Variants in ANKRD50 observed in about 807,000 individuals in gnomAD.
ANKRD50 encodes ankyrin repeat domain-containing protein 50.
ANKRD50 carries 40 observed loss-of-function variants against 112.0 expected under a neutral mutation model. That is an observed-to-expected ratio of 0.36 (90% CI 0.28 to 0.46). The LOEUF (loss-of-function observed/expected upper bound fraction) is 0.46, where lower values mean the gene tolerates loss of function less well. ANKRD50 is among the 20% of genes least tolerant of loss of function. The pLI, the probability that ANKRD50 is intolerant of heterozygous loss-of-function variation, is 1.00. For synonymous variants in ANKRD50, 613 were observed against 619.1 expected (o/e 0.99, Z 0.15); for missense variants, 1,487 against 1,701.7 (o/e 0.87, Z 2.22).
Position 124,710,581 on chromosome 4 carries a change from T to C in ANKRD50, c.-70A>G. ...ACAGGTCTTTCCATCCATTATGACA[T>C]AACTTGTATATTAAGTTGACTCTGA... On this transcript the variant is annotated 5_prime_UTR_variant, in exon 2 of 5. The change abolishes an upstream ATG in the 5' untranslated region. Transcript: ENST00000504087. The C allele has an allele frequency of 6.7e-7, 1 of 1,484,852 alleles. No individual in the cohort carries two copies. The highest frequency in any genetic ancestry group is 9.0e-7 in the Non-Finnish European group (1 of 1,107,760). The allele number at this position is 1,484,852 out of a possible 1,614,324, so 92.0% of individuals were successfully genotyped here.
rs975046881 is a variant in ANKRD50 at position 124,664,236 on chromosome 4, A to C, written c.*3282T>G. The C allele has an allele frequency of 6.8e-6, 1 of 147,124 alleles. No individual in the cohort carries two copies. The highest frequency in any genetic ancestry group is 1.5e-5 in the Non-Finnish European group (1 of 66,552). 9.1% of individuals were successfully genotyped at this position (147,124 alleles called of 1,614,324 possible). A position where few individuals can be genotyped will look rare whatever the true frequency, so the allele number is the denominator to read the frequency against. Reference sequence around the variant, plus strand: ...CCTGACATGGTGTGATATAGTATATAATCAGTCACGGGGGGGAAAAGAACA... The same window carrying C: ...CCTGACATGGTGTGATATAGTATATCATCAGTCACGGGGGGGAAAAGAACA... On this transcript the variant is annotated 3_prime_UTR_variant, in exon 5 of 5. Coordinates refer to ENST00000504087, the MANE Select transcript of ANKRD50 (RefSeq NM_020337.3).
At position 124,672,221 on chromosome 4, in the gene ANKRD50, A is replaced by G. The variant is rs1730677888; in HGVS notation, c.1056T>C (p.Pro352=). The change falls in exon 4 of 5, where the codon CCT becomes CCC. Residue 352 remains proline (P), a synonymous_variant. Transcript: ENST00000504087. ...FVRKQFAKVQ[P]ILNVILAACR... is the part of the protein sequence containing the mutation. The stretch of plus-strand genomic sequence containing the variant: ...AGGCTGCAAGAATCACATTCAAAAT[A>G]GGCTGAACCTTTGCAAATTGTTTTC... The G allele has an allele frequency of 1.9e-6, 3 of 1,613,746 alleles. No homozygotes were observed. The highest frequency in any genetic ancestry group is 2.7e-5 in the African/African-American group (2 of 74,902).
chr4:124,709,078 C>G (rs147602164), intron 2 of ANKRD50, among the ~76,000 whole-genome samples: 1 of 151,116 alleles, frequency 6.6e-6, no homozygotes, highest in Non-Finnish European at 1.5e-5. Flanking sequence ...CACACACACA[C>G]ACAAACCTCC....
chr4:124,692,640 A>G (rs1038307497), intron 2 of ANKRD50, among the ~76,000 whole-genome samples: 6 of 152,130 alleles, frequency 3.9e-5, no homozygotes, highest in East Asian at 1.9e-4. Flanking sequence ...TTAATGTTCT[A>G]TAAGAGACCC....
intron 2 of ANKRD50, among the ~76,000 whole-genome samples, chr4:124,688,855 C>T (rs1409910107): frequency 2.0e-5 from 3 of 152,174 alleles, no homozygotes; most frequent in Non-Finnish European, 4.4e-5. Context: ...ATCAGCCCTG[C>T]ACTTGGTTCT....
At chr4:124,701,265 G>T (rs911324941) in intron 2 of ANKRD50, among the ~76,000 whole-genome samples, 6 of 152,074 alleles carry the variant, frequency 3.9e-5, no homozygotes, top group African/African-American at 1.4e-4. Context: ...GCCCCACCAA[G>T]AAGTACACTT....
intron 2 of ANKRD50, among the ~76,000 whole-genome samples, chr4:124,686,527 C>G (rs1430715549): frequency 1.3e-5 from 2 of 152,086 alleles, no homozygotes; most frequent in African/African-American, 4.8e-5. Context: ...CATATGACCC[C>G]TATGGAAAAG....
intron 2 of ANKRD50, among the ~76,000 whole-genome samples, chr4:124,681,475 C>T (rs1724885049): frequency 6.6e-6 from 1 of 152,104 alleles, no homozygotes; most frequent in Admixed American, 6.5e-5. Flanking sequence ...GACCCAGCCC[C>T]GCCTCTTCCC....
In ANKRD50 at chr4:124,682,241, G is replaced by A. The variant is rs536828211; in HGVS notation, c.513-3336C>T. ...TGAGGCAGGAGAATGGCGTGAACCCGGGAAGCAGAGCTTGCAGTGAACCGA... is the reference window on the plus strand; with the variant it reads ...TGAGGCAGGAGAATGGCGTGAACCCAGGAAGCAGAGCTTGCAGTGAACCGA... On this transcript the variant is annotated intron_variant, in intron 2 of 4. Transcript: ENST00000504087. Among the ~76,000 whole-genome samples the A allele has an allele frequency of 8.0e-5, 12 of 150,608 alleles. No homozygotes were observed. The South Asian group carries it at 1.5e-3, about 18-fold the overall frequency.
chr4:124,689,698 G>C (rs1725087152), intron 2 of ANKRD50, among the ~76,000 whole-genome samples: 2 of 152,124 alleles, frequency 1.3e-5, no homozygotes, highest in African/African-American at 4.8e-5. Flanking sequence ...CTGATTCTCA[G>C]GCCTCTGGGC....
intron 3 of ANKRD50, among the ~76,000 whole-genome samples, chr4:124,674,068 CTT>C: frequency 6.6e-6 from 1 of 152,038 alleles, no homozygotes; most frequent in African/African-American, 2.4e-5. Context: ...GCCTCCAAAT[CTT>C]TTTCTGTGTG....
intron 2 of ANKRD50, among the ~76,000 whole-genome samples, chr4:124,686,280 G>C (rs990301522): frequency 3.9e-5 from 6 of 152,166 alleles, no homozygotes; most frequent in Non-Finnish European, 7.4e-5. Flanking sequence ...TTCAGACATA[G>C]AGTATTAGGA....
chr4:124,671,097 T>C lies in ANKRD50; in HGVS notation c.2180A>G (p.His727Arg). The C allele has an allele frequency of 6.2e-7, 1 of 1,613,836 alleles. No individual in the cohort carries two copies. Among genetic ancestry groups the C allele is most frequent in the Non-Finnish European group, 8.5e-7 (1 of 1,179,854 alleles). ...AATTAAAAGGCTAACAACTGATGCGTGCCCTTTACTTGCAGGCACACAAAG... is the reference window on the plus strand; with the variant it reads ...AATTAAAAGGCTAACAACTGATGCGCGCCCTTTACTTGCAGGCACACAAAG... ...AALCVPASKG[H>R]ASVVSLLIDR... Residue 727 changes from histidine (H) to arginine (R), a missense_variant, in exon 4 of 5, where the codon CAC becomes CGC. Physicochemically the swap from His to Arg is conservative, Grantham distance 29 (BLOSUM62 0). Coordinates refer to ENST00000504087, the MANE Select transcript of ANKRD50 (RefSeq NM_020337.3).
In ANKRD50 at chr4:124,669,592, G is replaced by C. The variant is rs759095901; in HGVS notation, c.3685C>G (p.Arg1229Gly). Residue 1229 changes from arginine to glycine, a missense_variant, in exon 4 of 5, where the codon CGA becomes GGA. Physicochemically the swap from Arg to Gly is moderately radical, Grantham distance 125. This residue lies in a region of ANKRD50 where 441 missense variants were observed against 432.2 expected (regional missense o/e 1.02). Coordinates refer to ENST00000504087, the MANE Select transcript of ANKRD50 (RefSeq NM_020337.3). ...GAAGATGGGGAAACAATTGACTGTCGACTTCTACTGCGTGGCAATGAATGC... is the reference window on the plus strand; with the variant it reads ...GAAGATGGGGAAACAATTGACTGTCCACTTCTACTGCGTGGCAATGAATGC... ...QQHSLPRSRS[R>G]QSIVSPSSTT... 6.2e-7 allele frequency: 1 copy of C among 1,613,400 alleles called. No individual in the cohort carries two copies. The highest frequency in any genetic ancestry group is 8.5e-7 in the Non-Finnish European group (1 of 1,179,818).
chr4:124,687,261 T>TTTTTTG (rs777388872), intron 2 of ANKRD50, among the ~76,000 whole-genome samples: 2 of 152,140 alleles, frequency 1.3e-5, no homozygotes, highest in African/African-American at 2.4e-5. Flanking sequence ...GGTTTTTTGT[T>TTTTTTG]TTTTTGTTTT....
In ANKRD50 at chr4:124,710,616, A is replaced by C. The variant is rs1725608473; in HGVS notation, c.-105T>G. On this transcript the variant is annotated 5_prime_UTR_variant, in exon 2 of 5. Coordinates refer to ENST00000504087, the MANE Select transcript of ANKRD50 (RefSeq NM_020337.3). ...ATTAAGTTGACTCTGAAGACAGAGT[A>C]ACTAGTTACAGTAAAATTCAACAGC... The C allele has an allele frequency of 4.6e-6, 6 of 1,303,450 alleles. No individual in the cohort carries two copies. The highest frequency in any genetic ancestry group is 6.3e-6 in the Non-Finnish European group (6 of 952,478). 80.7% of individuals were successfully genotyped at this position (1,303,450 alleles called of 1,614,324 possible).
rs762715346 is a variant in ANKRD50, at chr4:124,670,077, T to C, written c.3200A>G (p.His1067Arg). ...ATCAGCATGGTTTGGATCAGCACCATGCTCTAATAAGACCTGAACAACATC... is the reference window on the plus strand; with the variant it reads ...ATCAGCATGGTTTGGATCAGCACCACGCTCTAATAAGACCTGAACAACATC... ...HIDVVQVLLE[H>R]GADPNHADQF... is the part of the protein sequence containing the mutation. The change falls in exon 4 of 5, where the codon CAT becomes CGT. Residue 1067 changes from histidine to arginine, a missense_variant. Physicochemically the swap from His to Arg is conservative, Grantham distance 29 (BLOSUM62 0). Around this residue, in one of 2 missense-constraint regions of ANKRD50, gnomAD observed 441 missense variants for 432.2 expected, o/e 1.02. Transcript: ENST00000504087. The C allele has an allele frequency of 3.1e-6, 5 of 1,613,388 alleles. No homozygotes were observed. Among genetic ancestry groups the C allele is most frequent in the Non-Finnish European group, 3.4e-6 (4 of 1,179,740 alleles).
intron 2 of ANKRD50, among the ~76,000 whole-genome samples, chr4:124,685,241 AG>A (rs1347639180): frequency 1.3e-5 from 2 of 152,190 alleles, no homozygotes; most frequent in Non-Finnish European, 2.9e-5. Flanking sequence ...TAAATTTCCC[AG>A]CACTCAAAAC....
Position 124,670,990 on chromosome 4 carries a change from C to T in ANKRD50, c.2287G>A (p.Val763Met), listed in dbSNP as rs1730634039. The change falls in exon 4 of 5, where the codon GTG (valine) becomes ATG (methionine). Residue 763 changes from valine to methionine, a missense_variant. By Grantham distance (21) the Val-to-Met change is conservative. This residue lies in a region of ANKRD50 where 1,046 missense variants were observed against 1,269.5 expected (regional missense o/e 0.82). Transcript: ENST00000504087. ...LVAAYEGHVDVVDLLLEGGAD... is the reference protein window; with the variant it reads ...LVAAYEGHVDMVDLLLEGGAD... ...CCCCCTTCTAGAAGCAAGTCAACCA[C>T]ATCAACATGTCCTTCATAGGCAGCT... 6.2e-7 allele frequency: 1 copy of T among 1,613,778 alleles called. No homozygotes were observed. The highest frequency in any genetic ancestry group is 8.5e-7 in the Non-Finnish European group (1 of 1,179,888).
Sources: gnomAD v4.1 joint callset for allele counts (sites outside exome capture counted in the v4.1 genomes callset) on GRCh38, gnomAD v4.1.1 for gene constraint, gnomAD v4.1.1 regional missense constraint, MANE v1.5 for transcripts, NCBI Gene and HGNC (gene_info 2026-07-23, HGNC 2026-07-21) for gene names.